RGS6: variants seen among roughly 807,000 people sequenced by gnomAD.
RGS6 encodes the protein regulator of G protein signaling 6, also known as regulator of G-protein signaling 6.
A neutral mutation model predicts 78.5 loss-of-function variants in RGS6; 30 were observed. The observed-to-expected ratio is 0.38, with a 90% confidence interval of 0.29 to 0.52. RGS6 has a LOEUF of 0.52. Ranked by LOEUF, RGS6 falls within the 20% of genes least tolerant of loss-of-function variation. RGS6 has a pLI of 0.85. For synonymous variants in RGS6, 206 were observed against 206.0 expected (o/e 1.00, Z 0.00); for missense variants, 495 against 609.7 (o/e 0.81, Z 1.98).
chr14:72,488,687 G>A (rs1164516862), intron 12 of RGS6, among the ~76,000 whole-genome samples: 1 of 152,208 alleles, frequency 6.6e-6, no homozygotes, highest in South Asian at 2.1e-4. Flanking sequence ...GGAGCCTGCA[G>A]GCTCCTCTTG....
chr14:72,398,492 C>CA (rs1434738840), intron 3 of RGS6, among the ~76,000 whole-genome samples: 1 of 152,038 alleles, frequency 6.6e-6, no homozygotes. Context: ...TTGATCTTTT[C>CA]AAAAAACCAG....
At chr14:72,462,589 AG>A (rs1327111105) in intron 6 of RGS6, among the ~76,000 whole-genome samples, 3 of 152,254 alleles carry the variant, frequency 2.0e-5, no homozygotes, top group African/African-American at 7.2e-5. Flanking sequence ...TGGAAGCAGT[AG>A]CTGCTACGAT....
chr14:72,447,594 C>A (rs1487956438), intron 3 of RGS6, among the ~76,000 whole-genome samples: 1 of 152,200 alleles, frequency 6.6e-6, no homozygotes, highest in Non-Finnish European at 1.5e-5. Flanking sequence ...GAAACATGGG[C>A]TCTGTGAGTA....
At chr14:72,478,453 G>C (rs1736039446) in intron 12 of RGS6, 124 bp downstream of exon 12, 1 of 711,350 alleles carries the variant, frequency 1.4e-6, no homozygotes, top group Non-Finnish European at 2.4e-6. Flanking sequence ...CTTAGACTGG[G>C]GTGCAGAAAA....
At chr14:72,522,327 C>A (rs901697838) in intron 15 of RGS6, among the ~76,000 whole-genome samples, 1 of 152,162 alleles carries the variant, frequency 6.6e-6, no homozygotes, top group Non-Finnish European at 1.5e-5. Context: ...AAAAGACCCA[C>A]CTCCAAGTAC....
At chr14:72,002,708 C>A (rs891986959) in intron 2 of RGS6, among the ~76,000 whole-genome samples, 1 of 152,172 alleles carries the variant, frequency 6.6e-6, no homozygotes, top group African/African-American at 2.4e-5. Context: ...GGAGGTGTGG[C>A]AGTAGACTGT....
At chr14:72,463,318 G>A (rs185664939) in intron 6 of RGS6, among the ~76,000 whole-genome samples, 104 of 152,320 alleles carry the variant, frequency 6.8e-4, no homozygotes, top group South Asian at 2.3e-3. Flanking sequence ...CACTAGAGTC[G>A]GTTGGAAGTT....
intron 2 of RGS6, among the ~76,000 whole-genome samples, chr14:72,288,807 C>G (rs1334085353): frequency 6.6e-6 from 1 of 152,164 alleles, no homozygotes; most frequent in East Asian, 1.9e-4. Flanking sequence ...TTGGCATGAT[C>G]TTGTCATGAA....
chr14:72,042,667 A>T (rs2092525190), intron 2 of RGS6, among the ~76,000 whole-genome samples: 1 of 151,878 alleles, frequency 6.6e-6, no homozygotes, highest in Admixed American at 6.6e-5. Context: ...CATGTTAAAC[A>T]TTCACTGGTT....
the RGS6 span, among the ~76,000 whole-genome samples, chr14:71,914,101 C>T: frequency 8.5e-5 from 13 of 152,318 alleles, 1 homozygote; most frequent in African/African-American, 2.9e-4. Flanking sequence ...ATGTGCCGTG[C>T]GCCCTGGCTT....
chr14:72,538,764 G>C (rs1015017782), intron 16 of RGS6, among the ~76,000 whole-genome samples: 1 of 152,216 alleles, frequency 6.6e-6, no homozygotes, highest in Non-Finnish European at 1.5e-5. Flanking sequence ...GCCCAACTCT[G>C]TGGTGTTATG....
chr14:72,125,946 G>C (rs2096181192), intron 2 of RGS6, among the ~76,000 whole-genome samples: 1 of 152,146 alleles, frequency 6.6e-6, no homozygotes, highest in African/African-American at 2.4e-5. Context: ...ATACATTAGA[G>C]ATGTTACCTA....
intron 12 of RGS6, among the ~76,000 whole-genome samples, chr14:72,490,923 A>G (rs2096569928): frequency 6.6e-6 from 1 of 152,202 alleles, no homozygotes; most frequent in Non-Finnish European, 1.5e-5. Context: ...GGATCCTATT[A>G]AAAAGCAGAA....
At chr14:72,387,456 G>A (rs1229453306) in intron 3 of RGS6, among the ~76,000 whole-genome samples, 2 of 152,126 alleles carry the variant, frequency 1.3e-5, no homozygotes, top group Middle Eastern at 3.4e-3. Context: ...GGCTGAGGCA[G>A]GAGAATGGCG....
At chr14:72,074,695 C>A (rs2094517462) in intron 2 of RGS6, among the ~76,000 whole-genome samples, 1 of 152,074 alleles carries the variant, frequency 6.6e-6, no homozygotes, top group African/African-American at 2.4e-5. Context: ...ATCCAGCATC[C>A]CCCCACTTGT....
At chr14:71,978,871 C>T (rs912423004) in intron 2 of RGS6, among the ~76,000 whole-genome samples, 20 of 149,048 alleles carry the variant, frequency 1.3e-4, no homozygotes, top group East Asian at 1.0e-3. Flanking sequence ...TGGTAGAATT[C>T]CGCTGTGAAT....
At chr14:72,178,768 T>A (rs1009801690) in intron 2 of RGS6, among the ~76,000 whole-genome samples, 1 of 150,814 alleles carries the variant, frequency 6.6e-6, no homozygotes, top group Non-Finnish European at 1.5e-5. Flanking sequence ...AGAGTGTTAG[T>A]AGTGAACATC....
At chr14:72,111,971 A>G (rs1004287570) in intron 2 of RGS6, among the ~76,000 whole-genome samples, 4 of 152,132 alleles carry the variant, frequency 2.6e-5, no homozygotes, top group Non-Finnish European at 5.9e-5. Flanking sequence ...TATCGGTTTT[A>G]CTTTTCTCCT....
chr14:72,414,379 C>T (rs549780763), intron 3 of RGS6, among the ~76,000 whole-genome samples: 3 of 152,316 alleles, frequency 2.0e-5, no homozygotes, highest in Admixed American at 1.3e-4. Flanking sequence ...CTTGTGCATT[C>T]GTCACATAGT....
Sources: allele counts gnomAD v4.1 joint callset (sites outside exome capture counted in the v4.1 genomes callset), GRCh38; gene constraint gnomAD v4.1.1; transcripts MANE v1.5; gene names NCBI Gene and HGNC (gene_info 2026-07-23, HGNC 2026-07-21).